PXK: variants seen among roughly 807,000 people sequenced by gnomAD.
The protein encoded by PXK is PX domain-containing protein kinase-like protein.
Under a neutral mutation model 84.7 loss-of-function variants are expected in PXK, and 35 were observed. The observed-to-expected ratio is 0.41, with a 90% confidence interval of 0.32 to 0.55. The LOEUF (loss-of-function observed/expected upper bound fraction) is 0.55. Among genes scored for constraint, PXK ranks in the 20% least tolerant of loss-of-function variants. PXK has a pLI of 0.21. For synonymous variants in PXK, 253 were observed against 260.8 expected (o/e 0.97, Z 0.29); for missense variants, 634 against 699.7 (o/e 0.91, Z 1.06).
chr3:58,392,347 A>G (rs1319045187), intron 7 of PXK, among the ~76,000 whole-genome samples: 3 of 152,240 alleles, frequency 2.0e-5, no homozygotes, highest in Non-Finnish European at 4.4e-5. Flanking sequence ...AGTGCAAAGA[A>G]CCACGTTGAT....
intron 3 of PXK, among the ~76,000 whole-genome samples, chr3:58,375,915 G>C (rs1014209714): frequency 1.3e-5 from 2 of 152,024 alleles, no homozygotes; most frequent in African/African-American, 4.8e-5. Flanking sequence ...ATTGCTTTAA[G>C]TAATGAATGT....
At chr3:58,334,816 C>G (rs2097556710) in intron 1 of PXK, among the ~76,000 whole-genome samples, 1 of 152,150 alleles carries the variant, frequency 6.6e-6, no homozygotes, top group Non-Finnish European at 1.5e-5. Flanking sequence ...CTTACTATGC[C>G]TCTTTTTCTG....
At position 58,412,807 on chromosome 3, in the gene PXK, T is replaced by A; in HGVS notation, c.1466-94T>A. 7.8e-6 allele frequency: 10 copies of A among 1,281,546 alleles called. No individual in the cohort carries two copies. Among genetic ancestry groups the A allele is most frequent in the Non-Finnish European group, 9.1e-6 (8 of 878,748 alleles). The allele number at this position is 1,281,546 out of a possible 1,614,324, so 79.4% of individuals were successfully genotyped here. A position where few individuals can be genotyped will look rare whatever the true frequency, so the allele number is the denominator to read the frequency against. ...CACAAGGCTCACACACTAAGCCAAA[T>A]GTAGATTCTCAGACAGCAGTGGGTC... On this transcript the variant is annotated intron_variant, in intron 16 of 17. Coordinates refer to ENST00000356151, the MANE Select transcript of PXK (RefSeq NM_017771.5). This position sits in a 1 kb window ranked among gnomAD's most constrained non-coding sequence, Gnocchi z 6.2.
rs1263093632 is a variant in PXK, at chr3:58,400,261, A to G, written c.1181+884A>G. ...AATATGTGCTCATTAAGTGTTAGTTATGCTTACTACTGAATCAGCTGATCT... is the reference window on the plus strand; with the variant it reads ...AATATGTGCTCATTAAGTGTTAGTTGTGCTTACTACTGAATCAGCTGATCT... On this transcript the variant is annotated intron_variant, in intron 12 of 17. Coordinates refer to ENST00000356151, the MANE Select transcript of PXK (RefSeq NM_017771.5). The surrounding 1 kb of genome is among the most constrained non-coding windows in gnomAD (Gnocchi z 4.0). Among the ~76,000 whole-genome samples the G allele has an allele frequency of 6.6e-6, 1 of 152,184 alleles. No individual in the cohort carries two copies. The highest frequency in any genetic ancestry group is 1.5e-5 in the Non-Finnish European group (1 of 68,034).
intron 1 of PXK, among the ~76,000 whole-genome samples, chr3:58,357,670 C>T (rs748587032): frequency 5.3e-5 from 8 of 152,160 alleles, no homozygotes; most frequent in East Asian, 1.9e-4. Flanking sequence ...CTTGGCCAGG[C>T]GTTGTGGCTG....
At chr3:58,374,475 C>T (rs1301261467) in intron 3 of PXK, among the ~76,000 whole-genome samples, 2 of 152,120 alleles carry the variant, frequency 1.3e-5, no homozygotes, top group African/African-American at 2.4e-5. Context: ...CGCCTGGCCT[C>T]CCCTTTCCAT....
In PXK at chr3:58,412,147, AG is replaced by A. The variant is rs1006959777; in HGVS notation, c.1466-748del. 3.3e-5 allele frequency among the ~76,000 whole-genome samples: 5 copies of A among 152,002 alleles called. No homozygotes were observed. The highest frequency in any genetic ancestry group is 7.4e-5 in the Non-Finnish European group (5 of 68,012). On this transcript the variant is annotated intron_variant, in intron 16 of 17. Coordinates refer to ENST00000356151, the MANE Select transcript of PXK (RefSeq NM_017771.5). This position sits in a 1 kb window ranked among gnomAD's most constrained non-coding sequence, Gnocchi z 6.2. ...TCTCCATAGGATCTCTATGTGTGGG[AG>A]GGGGGTTTCTGTGTCCACAGAAAGG...
chr3:58,336,890 A>G (rs768347537), intron 1 of PXK, among the ~76,000 whole-genome samples: 2 of 151,852 alleles, frequency 1.3e-5, no homozygotes, highest in Admixed American at 6.6e-5. Flanking sequence ...GCTCACTGCA[A>G]CCTCCACCTC....
intron 4 of PXK, among the ~76,000 whole-genome samples, chr3:58,386,289 A>ATTTT (rs2098549912): frequency 3.7e-4 from 16 of 43,450 alleles, no homozygotes; most frequent in East Asian, 2.5e-3. Context: ...TATCCCCCTT[A>ATTTT]CTTTTTTTTT....
intron 4 of PXK, among the ~76,000 whole-genome samples, chr3:58,384,888 G>A (rs542703899): frequency 5.9e-5 from 9 of 152,294 alleles, no homozygotes; most frequent in South Asian, 2.1e-4. Flanking sequence ...AGCTAAAAGG[G>A]ATCTTAGAGC....
At chr3:58,422,868 C>T (rs1267838584) in intron 17 of PXK, 3 of 985,314 alleles carry the variant, frequency 3.0e-6, no homozygotes, top group Admixed American at 1.2e-4. Flanking sequence ...AGAGCCTGTC[C>T]TTAACTGCAC....
rs1254329385 is a variant in PXK, at chr3:58,410,070, C to T, written c.1396-20C>T. 2 of 1,523,230 alleles carry T rather than the reference C, an allele frequency of 1.3e-6. No individual in the cohort carries two copies. Among genetic ancestry groups the T allele is most frequent in the Non-Finnish European group, 1.8e-6 (2 of 1,098,586 alleles). The allele number at this position is 1,523,230 out of a possible 1,614,324, so 94.4% of individuals were successfully genotyped here. On this transcript the variant is annotated intron_variant, in intron 15 of 17. Coordinates refer to ENST00000356151, the MANE Select transcript of PXK (RefSeq NM_017771.5). ...TTTGCTTTCCTCTCCCTCCCTCCCCCTTTTCTTTTATTCTTAAAGAAGTCA... is the reference window on the plus strand; with the variant it reads ...TTTGCTTTCCTCTCCCTCCCTCCCCTTTTTCTTTTATTCTTAAAGAAGTCA...
chr3:58,362,918 A>G (rs1422598048), intron 1 of PXK, among the ~76,000 whole-genome samples: 1 of 152,034 alleles, frequency 6.6e-6, no homozygotes, highest in Non-Finnish European at 1.5e-5. Flanking sequence ...GAGTTTCACC[A>G]TGTTGCCCAG....
At chr3:58,378,504 TTTTTTTTTTGTGTGTGTGTGTGTGTG>T (rs1478504561) in intron 3 of PXK, among the ~76,000 whole-genome samples, 12 of 72,728 alleles carry the variant, frequency 1.6e-4, no homozygotes, top group Non-Finnish European at 8.5e-5. Flanking sequence ...TTTTTTTTTT[TTTTTTTTTTGTGTGTGTGTGTGTGTG>T]TGTGTGTGTG....
Position 58,333,267 on chromosome 3 carries a change from C to A in PXK, c.102+177C>A. On this transcript the variant is annotated intron_variant, in intron 1 of 17. Transcript: ENST00000356151. The surrounding 1 kb of genome is among the most constrained non-coding windows in gnomAD (Gnocchi z 5.4). ...GGGTCTGGGTCAGGGCCCCTGGGGC[C>A]CAGGCGAACGCTGAGGCCCGGAGGG... 1 of 271,196 alleles carries A rather than the reference C, an allele frequency of 3.7e-6. No homozygotes were observed. Among genetic ancestry groups the A allele is most frequent in the Non-Finnish European group, 6.3e-6 (1 of 159,174 alleles). The allele number at this position is 271,196 out of a possible 1,614,324, so 16.8% of individuals were successfully genotyped here. A position where few individuals can be genotyped will look rare whatever the true frequency, so the allele number is the denominator to read the frequency against.
At chr3:58,334,151 C>G (rs181365939) in intron 1 of PXK, among the ~76,000 whole-genome samples, 1 of 152,202 alleles carries the variant, frequency 6.6e-6, no homozygotes, top group African/African-American at 2.4e-5. Context: ...TCAAGCTCTT[C>G]TGATGACTTC....
chr3:58,384,611 C>T (rs947609662), intron 4 of PXK, among the ~76,000 whole-genome samples: 4 of 152,078 alleles, frequency 2.6e-5, no homozygotes, highest in African/African-American at 9.7e-5. Flanking sequence ...CTTGATTGTT[C>T]CCAAAATTGT....
Position 58,390,527 on chromosome 3 carries a change from CATATGGCCCTTTCCTG to C in PXK, c.389-49_389-34del. 7.5e-7 allele frequency: 1 copy of C among 1,333,536 alleles called. No homozygotes were observed. The highest frequency in any genetic ancestry group is 1.1e-6 in the Non-Finnish European group (1 of 936,074). 82.6% of individuals were successfully genotyped at this position (1,333,536 alleles called of 1,614,324 possible). On this transcript the variant is annotated intron_variant, in intron 4 of 17. Coordinates refer to ENST00000356151, the MANE Select transcript of PXK (RefSeq NM_017771.5). This position sits in a 1 kb window ranked among gnomAD's most constrained non-coding sequence, Gnocchi z 4.2. ...TCATTTACAAGAATAATATCTTCAG[CATATGGCCCTTTCCTG>C]ATATGTCTGACTAATGGGTTTCTAA...
chr3:58,378,328 C>G (rs991093435), intron 3 of PXK, among the ~76,000 whole-genome samples: 1 of 151,858 alleles, frequency 6.6e-6, no homozygotes, highest in African/African-American at 2.4e-5. Flanking sequence ...TAAAATAAAG[C>G]CCACAGTAGA....
Sources: allele counts gnomAD v4.1 joint callset (sites outside exome capture counted in the v4.1 genomes callset), GRCh38; gene constraint gnomAD v4.1.1; non-coding constraint Gnocchi (gnomAD v3.1); transcripts MANE v1.5; gene names NCBI Gene and HGNC (gene_info 2026-07-23, HGNC 2026-07-21).